The following STX8 variants were observed in gnomAD, a reference collection of about 807,000 sequenced individuals.
The protein encoded by STX8 is syntaxin-8.
STX8 carries 23 observed loss-of-function variants against 37.5 expected under a neutral mutation model. The observed-to-expected ratio is 0.61, with a 90% CI of 0.44 to 0.87. The LOEUF (loss-of-function observed/expected upper bound fraction) is 0.87. STX8 is among the 40% of genes least tolerant of loss of function. The probability of loss-of-function intolerance (pLI) is 0.00; values close to 1 mark genes in which losing one functional copy is unlikely to be tolerated. For missense variants in STX8, 313 were observed against 284.7 expected, an observed-to-expected ratio of 1.10 and a Z score of -0.71; for synonymous variants, 115 against 99.1, an observed-to-expected ratio of 1.16 and a Z score of -0.95.
At chr17:9,290,402 G>T (rs1194205854) in intron 7 of STX8, among the ~76,000 whole-genome samples, 8 of 152,296 alleles carry the variant, frequency 5.3e-5, no homozygotes, top group Admixed American at 2.0e-4. Flanking sequence ...GGTATTGGGT[G>T]TTAGAGACAG....
chr17:9,290,351 G>A (rs578167191), intron 7 of STX8, among the ~76,000 whole-genome samples: 1 of 151,474 alleles, frequency 6.6e-6, no homozygotes, highest in Non-Finnish European at 1.5e-5. Context: ...GGGCAGGATG[G>A]GGGTGAGTGC....
chr17:9,340,762 A>G (rs1314958309), intron 7 of STX8, among the ~76,000 whole-genome samples: 1 of 141,616 alleles, frequency 7.1e-6, no homozygotes, highest in Non-Finnish European at 1.5e-5. Context: ...GGTTCAAGCG[A>G]TTCTCCTGCC....
chr17:9,438,110 G>A (rs1904497738), intron 6 of STX8, among the ~76,000 whole-genome samples: 1 of 151,826 alleles, frequency 6.6e-6, no homozygotes, highest in African/African-American at 2.4e-5. Flanking sequence ...AGGCATGGTG[G>A]CACACACCTG....
At chr17:9,412,875 G>A (rs1330795658) in intron 6 of STX8, among the ~76,000 whole-genome samples, 1 of 152,172 alleles carries the variant, frequency 6.6e-6, no homozygotes, top group African/African-American at 2.4e-5. Flanking sequence ...TATAGATTGA[G>A]GGGTGTAGAG....
At chr17:9,318,164 C>T (rs1439476327) in intron 7 of STX8, among the ~76,000 whole-genome samples, 2 of 152,136 alleles carry the variant, frequency 1.3e-5, no homozygotes, top group Admixed American at 1.3e-4. Flanking sequence ...GGTCCATGTG[C>T]ACAACGTGCA....
intron 6 of STX8, among the ~76,000 whole-genome samples, chr17:9,481,952 T>C (rs141844830): frequency 0.013 from 1,918 of 152,268 alleles, 34 homozygotes; most frequent in African/African-American, 0.043. Context: ...TCCACAAAAC[T>C]GGTCCCTGGT....
At chr17:9,326,009 A>C (rs1486288272) in intron 7 of STX8, among the ~76,000 whole-genome samples, 1 of 152,158 alleles carries the variant, frequency 6.6e-6, no homozygotes, top group African/African-American at 2.4e-5. Context: ...CATGCTAGCT[A>C]GTGGGAAAAG....
At chr17:9,469,551 T>C (rs543950609) in intron 6 of STX8, among the ~76,000 whole-genome samples, 1 of 152,262 alleles carries the variant, frequency 6.6e-6, no homozygotes, top group Admixed American at 6.5e-5. Context: ...AAGGACAAAC[T>C]CTCCGTGAGC....
At chr17:9,292,770 CTTG>C (rs1188501635) in intron 7 of STX8, among the ~76,000 whole-genome samples, 1 of 152,208 alleles carries the variant, frequency 6.6e-6, no homozygotes, top group Non-Finnish European at 1.5e-5. Flanking sequence ...AGAATTTCCT[CTTG>C]AGCCAACAAG....
At chr17:9,483,042 A>G (rs974889880) in intron 6 of STX8, among the ~76,000 whole-genome samples, 3 of 152,176 alleles carry the variant, frequency 2.0e-5, no homozygotes, top group Non-Finnish European at 4.4e-5. Context: ...ACAAAAAGAC[A>G]CCATGATTAC....
chr17:9,273,764 T>G (rs1255159476), intron 7 of STX8, among the ~76,000 whole-genome samples: 1 of 152,266 alleles, frequency 6.6e-6, no homozygotes, highest in Non-Finnish European at 1.5e-5. Context: ...GAGGCCTTTC[T>G]GCCTTGGCGA....
chr17:9,428,147 G>A (rs1913706169), intron 6 of STX8, among the ~76,000 whole-genome samples: 1 of 152,120 alleles, frequency 6.6e-6, no homozygotes, highest in African/African-American at 2.4e-5. Flanking sequence ...AGAGAACAGG[G>A]GGTAGTCATC....
At chr17:9,392,504 G>C (rs1912257507) in intron 6 of STX8, among the ~76,000 whole-genome samples, 1 of 152,112 alleles carries the variant, frequency 6.6e-6, no homozygotes, top group Non-Finnish European at 1.5e-5. Context: ...CTTCTCAGCA[G>C]GCTAAGAAAG....
intron 6 of STX8, among the ~76,000 whole-genome samples, chr17:9,416,427 T>C (rs1913196658): frequency 2.0e-5 from 3 of 152,050 alleles, no homozygotes; most frequent in Admixed American, 6.6e-5. Flanking sequence ...TGGAGTACAG[T>C]AGCACGATCT....
At chr17:9,314,177 A>G (rs2142195248) in intron 7 of STX8, among the ~76,000 whole-genome samples, 1 of 150,750 alleles carries the variant, frequency 6.6e-6, no homozygotes, top group East Asian at 1.9e-4. Context: ...GATGAATGAA[A>G]GATGAATTAA....
chr17:9,334,744 A>C (rs1910082983), intron 7 of STX8, among the ~76,000 whole-genome samples: 2 of 152,216 alleles, frequency 1.3e-5, no homozygotes, highest in Non-Finnish European at 2.9e-5. Context: ...GGGAAGTACA[A>C]GAACATGGCA....
chr17:9,488,791 TAAGAGAGA>T (rs1308816009), intron 6 of STX8, among the ~76,000 whole-genome samples: 3 of 145,356 alleles, frequency 2.1e-5, no homozygotes, highest in Non-Finnish European at 4.5e-5. Flanking sequence ...TGTAAGACAT[TAAGAGAGA>T]AAGAGAGAGA....
intron 6 of STX8, among the ~76,000 whole-genome samples, chr17:9,409,563 A>G (rs1486219315): frequency 1.3e-5 from 2 of 152,204 alleles, no homozygotes; most frequent in Non-Finnish European, 2.9e-5. Flanking sequence ...GGAGAGTTTA[A>G]AACTGCCTGT....
At chr17:9,524,176 T>C (rs1191717100) in intron 4 of STX8, among the ~76,000 whole-genome samples, 1 of 152,206 alleles carries the variant, frequency 6.6e-6, no homozygotes, top group Non-Finnish European at 1.5e-5. Flanking sequence ...TTCAAGAAGA[T>C]ACACAAGGAG....
Sources: gnomAD v4.1 joint callset for allele counts (sites outside exome capture counted in the v4.1 genomes callset) on GRCh38, gnomAD v4.1.1 for gene constraint, MANE v1.5 for transcripts, NCBI Gene and HGNC (gene_info 2026-07-23, HGNC 2026-07-21) for gene names.